Variants in PTPRU observed in about 807,000 individuals in gnomAD.
PTPRU encodes the protein protein tyrosine phosphatase receptor type U, also known as receptor-type tyrosine-protein phosphatase U.
A neutral mutation model predicts 166.3 loss-of-function variants in PTPRU; 69 were observed. The ratio of observed to expected loss-of-function variants is 0.41; its 90% CI spans 0.34 to 0.51. The LOEUF is 0.51. Ranked by LOEUF, PTPRU falls within the 20% of genes least tolerant of loss-of-function variation. PTPRU has a pLI of 0.09. For missense variants in PTPRU, 1,657 were observed against 2,013.7 expected (o/e 0.82, Z 3.39); for synonymous variants, 793 against 814.0 (o/e 0.97, Z 0.44).
intron 1 of PTPRU, among the ~76,000 whole-genome samples, chr1:29,240,785 G>GGGGAGGA (rs1368838257): frequency 2.0e-5 from 3 of 152,008 alleles, no homozygotes; most frequent in Non-Finnish European, 4.4e-5. Flanking sequence ...GTGAGTGGCT[G>GGGGAGGA]GGGAGGAGGG....
At chr1:29,297,042 C>T in intron 15 of PTPRU, among the ~76,000 whole-genome samples, 1 of 143,582 alleles carries the variant, frequency 7.0e-6, no homozygotes, top group East Asian at 2.1e-4. Context: ...TTTTACCCTG[C>T]TTAGTAGCTG....
chr1:29,296,293 A>G lies in PTPRU; in HGVS notation c.2476+4267A>G, dbSNP rs183270494. On this transcript the variant is annotated intron_variant, in intron 15 of 29. Coordinates refer to ENST00000373779, the MANE Select transcript of PTPRU (RefSeq NM_133178.4). The stretch of plus-strand genomic sequence containing the variant: ...TGGTAGAAATGTTTTTATCAGGCTA[A>G]CCAAATTCCTTTTAGTTTTTAGTTT... 2.0e-5 allele frequency among the ~76,000 whole-genome samples: 3 copies of G among 152,312 alleles called. No individual in the cohort carries two copies. The East Asian group carries it at 5.8e-4, about 29-fold the overall frequency.
intron 8 of PTPRU, among the ~76,000 whole-genome samples, chr1:29,278,484 G>T (rs1378002979): frequency 1.3e-5 from 2 of 152,190 alleles, no homozygotes; most frequent in African/African-American, 4.8e-5. Flanking sequence ...AATGTTAACA[G>T]TATCTCTGGG....
chr1:29,262,797 A>T (rs1311005498), intron 7 of PTPRU, among the ~76,000 whole-genome samples: 1 of 152,040 alleles, frequency 6.6e-6, no homozygotes, highest in Non-Finnish European at 1.5e-5. Flanking sequence ...GAACATTTTC[A>T]TCACCTCAGA....
At chr1:29,267,533 G>A (rs1685357599) in intron 7 of PTPRU, among the ~76,000 whole-genome samples, 2 of 152,176 alleles carry the variant, frequency 1.3e-5, no homozygotes, top group Non-Finnish European at 2.9e-5. Context: ...GGGGCTTGCT[G>A]GGGGAAGCAA....
intron 22 of PTPRU, among the ~76,000 whole-genome samples, chr1:29,314,516 C>T (rs1317368042): frequency 6.6e-6 from 1 of 152,062 alleles, no homozygotes; most frequent in Non-Finnish European, 1.5e-5. Flanking sequence ...TGCCCCCAGT[C>T]AAGTTAGGGA....
chr1:29,323,553 T>C, intron 27 of PTPRU, 57 bp downstream of exon 27: 1 of 1,611,330 alleles, frequency 6.2e-7, no homozygotes, highest in Non-Finnish European at 8.5e-7. Flanking sequence ...GGGCAGCTTT[T>C]AATGACCCTC....
chr1:29,274,729 T>C (rs1685717475), intron 7 of PTPRU, among the ~76,000 whole-genome samples: 1 of 152,132 alleles, frequency 6.6e-6, no homozygotes, highest in Non-Finnish European at 1.5e-5. Context: ...AGGGTGATCT[T>C]GAATTAGGAG....
intron 7 of PTPRU, 90 bp from the exon 8 acceptor site, chr1:29,275,358 G>C: frequency 2.9e-6 from 4 of 1,358,220 alleles, no homozygotes; most frequent in Non-Finnish European, 4.0e-6. Flanking sequence ...ATGATTTCAG[G>C]CAGCTGACTG....
In PTPRU at chr1:29,258,498, T is replaced by G; in HGVS notation, c.206-7T>G. The G allele has an allele frequency of 6.2e-7, 1 of 1,612,122 alleles. No individual in the cohort carries two copies. The highest frequency in any genetic ancestry group is 1.1e-5 in the South Asian group (1 of 90,788). On this transcript the variant is annotated splice_region_variant and splice_polypyrimidine_tract_variant and intron_variant, in intron 2 of 29. Coordinates refer to ENST00000373779, the MANE Select transcript of PTPRU (RefSeq NM_133178.4). ...TCATCTCCTGCCTCTTCCTCCTCTCTTTCCAGGCTCCTACTTGATGGTCAA... is the reference window on the plus strand; with the variant it reads ...TCATCTCCTGCCTCTTCCTCCTCTCGTTCCAGGCTCCTACTTGATGGTCAA...
intron 17 of PTPRU, 76 bp downstream of exon 17, chr1:29,304,925 A>G (rs1687317860): frequency 4.4e-6 from 6 of 1,376,742 alleles, no homozygotes; most frequent in Non-Finnish European, 6.1e-6. Flanking sequence ...AGCCAGGGTG[A>G]GCTGGGGCAG....
chr1:29,261,494 A>G (rs1685064146), intron 7 of PTPRU, among the ~76,000 whole-genome samples: 1 of 152,082 alleles, frequency 6.6e-6, no homozygotes. Flanking sequence ...TGAGAACACA[A>G]TAGGTTTTTC....
In PTPRU at chr1:29,246,042, G is replaced by T. The variant is rs2068388; in HGVS notation, c.74-9233G>T. 1.8e-4 allele frequency among the ~76,000 whole-genome samples: 28 copies of T among 152,166 alleles called. 1 individual carries two copies. The highest frequency in any genetic ancestry group is 6.3e-4 in the African/African-American group (26 of 41,440). Reference sequence around the variant, plus strand: ...CATCTCTGTACTGCACTGCACTATTGCATGGACGTCAGTATTGCATCAGGA... The same window carrying T: ...CATCTCTGTACTGCACTGCACTATTTCATGGACGTCAGTATTGCATCAGGA... On this transcript the variant is annotated intron_variant, in intron 1 of 29. Transcript: ENST00000373779.
rs1433354261 is a variant in PTPRU, at chr1:29,320,770, A to G, written c.3773A>G (p.Tyr1258Cys). Residue 1258 changes from tyrosine to cysteine, a missense_variant, in exon 26 of 30, where the codon TAC (tyrosine) becomes TGC (cysteine). Physicochemically the swap from Tyr to Cys is radical, Grantham distance 194 (BLOSUM62 -2). This residue lies in a region of PTPRU where 1,190 missense variants were observed against 1,477.4 expected (regional missense o/e 0.81). Coordinates refer to ENST00000373779, the MANE Select transcript of PTPRU (RefSeq NM_133178.4). The surrounding 1 kb of genome is among the most constrained non-coding windows in gnomAD (Gnocchi z 5.2). ...GACTTCTGGCGGCTGGTCTACGATT[A>G]CGGGTGCACCTCCATCGTCATGCTC... ...TPDFWRLVYD[Y>C]GCTSIVMLNQ... is the part of the protein sequence containing the mutation. 1.9e-6 allele frequency: 3 copies of G among 1,607,802 alleles called. No individual in the cohort carries two copies. The highest frequency in any genetic ancestry group is 2.6e-6 in the Non-Finnish European group (3 of 1,175,204).
Position 29,294,572 on chromosome 1 carries a change from T to C in PTPRU, c.2476+2546T>C, listed in dbSNP as rs955325020. On this transcript the variant is annotated intron_variant, in intron 15 of 29. Transcript: ENST00000373779. Reference sequence around the variant, plus strand: ...TTGGATGAACAGAAGATTTTTATTTTTGTGTATTTAAATTCATCAGTCTTT... The same window carrying C: ...TTGGATGAACAGAAGATTTTTATTTCTGTGTATTTAAATTCATCAGTCTTT... Among the ~76,000 whole-genome samples the C allele has an allele frequency of 5.3e-5, 8 of 152,346 alleles. No homozygotes were observed. The East Asian group carries it at 1.3e-3, about 26-fold the overall frequency.
intron 12 of PTPRU, 40 bp from the exon 13 acceptor site, chr1:29,283,900 G>A (rs201724399): frequency 6.2e-7 from 1 of 1,613,344 alleles, no homozygotes; most frequent in African/African-American, 1.3e-5. Context: ...GGGAGAGGTC[G>A]GGGCTTCAGC....
At position 29,311,513 on chromosome 1, in the gene PTPRU, C is replaced by A. The variant is rs773694835; in HGVS notation, c.2915C>A (p.Ser972Tyr). ...CGTATGGTGTGGCAGGAGCACTGTT[C>A]CAGCATCGTCATGATCACCAAGCTG... ...FWRMVWQEHCSSIVMITKLVE... is the reference protein window; with the variant it reads ...FWRMVWQEHCYSIVMITKLVE... The change falls in exon 20 of 30, where the codon TCC becomes TAC. Residue 972 changes from serine to tyrosine, a missense_variant. Coordinates refer to ENST00000373779, the MANE Select transcript of PTPRU (RefSeq NM_133178.4). This position sits in a 1 kb window ranked among gnomAD's most constrained non-coding sequence, Gnocchi z 4.1. The A allele has an allele frequency of 2.3e-5, 37 of 1,614,010 alleles. No individual in the cohort carries two copies. The highest frequency in any genetic ancestry group is 3.1e-5 in the Non-Finnish European group (36 of 1,180,042).
chr1:29,304,138 G>A lies in PTPRU; in HGVS notation c.2667+93G>A, dbSNP rs1687273492. 3.6e-6 allele frequency: 5 copies of A among 1,403,354 alleles called. No homozygotes were observed. In the East Asian group the frequency reaches 1.2e-4, roughly 34 times the overall value. 86.9% of individuals were successfully genotyped at this position (1,403,354 alleles called of 1,614,324 possible). ...TCTGACCCTGGCAACCCTCAGCCTA[G>A]TCCTGGTTGGACGCCTGCTCTGACA... is the stretch of plus-strand genomic sequence containing the variant. On this transcript the variant is annotated intron_variant, in intron 16 of 29. Coordinates refer to ENST00000373779, the MANE Select transcript of PTPRU (RefSeq NM_133178.4).
rs754278193 is a variant in PTPRU, at chr1:29,308,566, C to CAA, written c.2821-2159_2821-2158dup. ...TGACCAACAGAGCCAGTCCCTGTCT[C>CAA]AAAAAAAAAAAAAAAAAAAAGAGAG... On this transcript the variant is annotated intron_variant, in intron 18 of 29. Coordinates refer to ENST00000373779, the MANE Select transcript of PTPRU (RefSeq NM_133178.4). 3.5e-4 allele frequency among the ~76,000 whole-genome samples: 28 copies of CAA among 79,580 alleles called. 1 individual carries two copies. Among genetic ancestry groups the CAA allele is most frequent in the African/African-American group, 8.6e-4 (15 of 17,542 alleles). 52.2% of individuals were successfully genotyped at this position (79,580 alleles called of 152,430 possible).
Sources: allele counts gnomAD v4.1 joint callset (sites outside exome capture counted in the v4.1 genomes callset), GRCh38; gene constraint gnomAD v4.1.1; regional missense constraint gnomAD v4.1.1; non-coding constraint Gnocchi (gnomAD v3.1); transcripts MANE v1.5; gene names NCBI Gene and HGNC (gene_info 2026-07-23, HGNC 2026-07-21).